The following CDH7 variants were observed in gnomAD, a reference collection of about 807,000 sequenced individuals.
The protein encoded by CDH7 is cadherin 7, also known as cadherin-7.
Under a neutral mutation model 71.8 loss-of-function variants are expected in CDH7, and 25 were observed. The ratio of observed to expected loss-of-function variants is 0.35; its 90% CI spans 0.25 to 0.49. CDH7 has a LOEUF of 0.49. Among genes scored for constraint, CDH7 ranks in the 20% least tolerant of loss-of-function variants. The pLI is 0.99. For synonymous variants in CDH7, 381 were observed against 363.8 expected, an observed-to-expected ratio of 1.05 and a Z score of -0.54; for missense variants, 862 against 974.6, an observed-to-expected ratio of 0.88 and a Z score of 1.54.
At chr18:65,787,108 T>A (rs1599005673) in intron 2 of CDH7, among the ~76,000 whole-genome samples, 1 of 152,320 alleles carries the variant, frequency 6.6e-6, no homozygotes, top group East Asian at 1.9e-4. Context: ...CAGCATTTGT[T>A]GACACATGCA....
chr18:65,778,294 A>C (rs1910033678), intron 2 of CDH7, among the ~76,000 whole-genome samples: 3 of 151,002 alleles, frequency 2.0e-5, no homozygotes, highest in South Asian at 2.1e-4. Flanking sequence ...AAAAAAAAAA[A>C]AAAAAAACCT....
intron 7 of CDH7, among the ~76,000 whole-genome samples, chr18:65,855,884 T>G (rs951886638): frequency 6.6e-6 from 1 of 152,118 alleles, no homozygotes; most frequent in African/African-American, 2.4e-5. Context: ...TAATTCACCA[T>G]GATAAAGTAG....
intron 7 of CDH7, among the ~76,000 whole-genome samples, chr18:65,854,254 C>T (rs761219284): frequency 2.4e-4 from 37 of 151,602 alleles, no homozygotes; most frequent in Non-Finnish European, 5.0e-4. Flanking sequence ...TGTAGTGAGC[C>T]ATGCTTGCAC....
At chr18:65,818,250 G>C (rs1213404478) in intron 4 of CDH7, among the ~76,000 whole-genome samples, 1 of 152,016 alleles carries the variant, frequency 6.6e-6, no homozygotes, top group Non-Finnish European at 1.5e-5. Flanking sequence ...ATGCTATAAG[G>C]TTTTGAGTTT....
intron 6 of CDH7, among the ~76,000 whole-genome samples, chr18:65,842,439 C>G (rs1420200253): frequency 6.6e-6 from 1 of 151,426 alleles, no homozygotes; most frequent in Non-Finnish European, 1.5e-5. Context: ...GCTGTGGGAT[C>G]TCTTTAATAT....
intron 2 of CDH7, among the ~76,000 whole-genome samples, chr18:65,796,663 A>G (rs1362345366): frequency 1.3e-5 from 2 of 152,180 alleles, no homozygotes; most frequent in Non-Finnish European, 2.9e-5. Context: ...CGATGGCCCC[A>G]GGTTGTCCAA....
At chr18:65,814,379 G>T in intron 3 of CDH7, 106 bp from the exon 4 acceptor site, 1 of 1,298,820 alleles carries the variant, frequency 7.7e-7, no homozygotes, top group Non-Finnish European at 1.1e-6. Context: ...AAAGATAAAT[G>T]AAAATTTTCA....
chr18:65,821,039 G>T (rs1271068441), intron 4 of CDH7, among the ~76,000 whole-genome samples: 1 of 151,976 alleles, frequency 6.6e-6, no homozygotes, highest in Non-Finnish European at 1.5e-5. Context: ...TGAAATATGT[G>T]TTGGTCATGT....
At position 65,887,742 on chromosome 18, in the gene CDH7, A is replaced by C. The variant is rs539094865; in HGVS notation, c.*6848A>C. The C allele has an allele frequency of 6.6e-6, 1 of 152,212 alleles. No homozygotes were observed. Among genetic ancestry groups the C allele is most frequent in the Non-Finnish European group, 1.5e-5 (1 of 68,002 alleles). 9.4% of individuals were successfully genotyped at this position (152,212 alleles called of 1,614,324 possible). A position where few individuals can be genotyped will look rare whatever the true frequency, so the allele number is the denominator to read the frequency against. ...GATGTCTATTAGATCCAACCTCTAC[A>C]ATTAAATTATATGAGCATACTGAGG... is the stretch of plus-strand genomic sequence containing the variant. On this transcript the variant is annotated 3_prime_UTR_variant, in exon 12 of 12. Coordinates refer to ENST00000397968, the MANE Select transcript of CDH7 (RefSeq NM_004361.5).
At chr18:65,789,555 G>A (rs1910637183) in intron 2 of CDH7, among the ~76,000 whole-genome samples, 1 of 151,990 alleles carries the variant, frequency 6.6e-6, no homozygotes, top group African/African-American at 2.4e-5. Flanking sequence ...TTCTGTTACA[G>A]TCAAAGTCTG....
intron 2 of CDH7, among the ~76,000 whole-genome samples, chr18:65,793,405 C>T (rs1030635399): frequency 6.9e-6 from 1 of 145,346 alleles, no homozygotes; most frequent in African/African-American, 2.6e-5. Context: ...AGGGTAACAG[C>T]GACACCCAGT....
In CDH7 at chr18:65,881,634, ATTT is replaced by A. The variant is rs1349958983; in HGVS notation, c.*743_*745del. ...AAAAAAAGTTGCTGTCTGTTCATTG[ATTT>A]TTATTATCTCTTCTGATTTGTACAG... On this transcript the variant is annotated 3_prime_UTR_variant, in exon 12 of 12. Transcript: ENST00000397968. The A allele has an allele frequency of 2.0e-5, 3 of 151,918 alleles. No homozygotes were observed. Among genetic ancestry groups the A allele is most frequent in the African/African-American group, 7.2e-5 (3 of 41,380 alleles). The allele number at this position is 151,918 out of a possible 1,614,324, so 9.4% of individuals were successfully genotyped here. A position where few individuals can be genotyped will look rare whatever the true frequency, so the allele number is the denominator to read the frequency against.
At chr18:65,844,887 T>G (rs1220237486) in intron 7 of CDH7, among the ~76,000 whole-genome samples, 1 of 152,060 alleles carries the variant, frequency 6.6e-6, no homozygotes, top group African/African-American at 2.4e-5. Flanking sequence ...AAGGTTTGAT[T>G]TTGATTACAA....
At chr18:65,803,701 A>G (rs1376758611) in intron 2 of CDH7, 1 of 152,092 alleles carries the variant, frequency 6.6e-6, no homozygotes, top group Non-Finnish European at 1.5e-5. Flanking sequence ...ATATTCAGGC[A>G]TTTTTACTTC....
chr18:65,872,959 A>C (rs1913970929), intron 11 of CDH7, among the ~76,000 whole-genome samples: 1 of 151,926 alleles, frequency 6.6e-6, no homozygotes, highest in Non-Finnish European at 1.5e-5. Flanking sequence ...AAACAGAATT[A>C]AACAATTTTT....
intron 2 of CDH7, among the ~76,000 whole-genome samples, chr18:65,782,139 T>C (rs943709510): frequency 9.8e-6 from 1 of 101,736 alleles, no homozygotes; most frequent in Non-Finnish European, 1.8e-5. Flanking sequence ...TCTTTCTTTC[T>C]TTCTTTCTTT....
At chr18:65,831,373 A>C (rs1025646428) in intron 6 of CDH7, among the ~76,000 whole-genome samples, 1 of 152,132 alleles carries the variant, frequency 6.6e-6, no homozygotes, top group South Asian at 2.1e-4. Context: ...CTGGCCCAAC[A>C]AAGGCAGGCT....
At chr18:65,866,315 C>CAAAAA (rs1568228989) in intron 11 of CDH7, 2 of 1,356 alleles carry the variant, frequency 1.5e-3, no homozygotes, top group Non-Finnish European at 1.7e-3. Flanking sequence ...AAAAAAAAAA[C>CAAAAA]AAAAAAAAAA....
At chr18:65,860,402 A>G (rs1330328663) in intron 10 of CDH7, among the ~76,000 whole-genome samples, 2 of 152,052 alleles carry the variant, frequency 1.3e-5, no homozygotes, top group South Asian at 2.1e-4. Flanking sequence ...AAAGGTAAAC[A>G]CTCTTAGCAG....
Sources: allele counts gnomAD v4.1 joint callset (sites outside exome capture counted in the v4.1 genomes callset), GRCh38; gene constraint gnomAD v4.1.1; transcripts MANE v1.5; gene names NCBI Gene and HGNC (gene_info 2026-07-23, HGNC 2026-07-21).